The following VWA8 variants were observed in gnomAD, a reference collection of about 807,000 sequenced individuals.
VWA8 encodes von Willebrand factor A domain containing 8, also known as von Willebrand factor A domain-containing protein 8.
VWA8 carries 221 observed loss-of-function variants against 241.5 expected under a neutral mutation model. The observed-to-expected ratio is 0.91, with a 90% CI of 0.82 to 1.02. The LOEUF (loss-of-function observed/expected upper bound fraction) is 1.02. Ranked by LOEUF, VWA8 falls within the 50% of genes least tolerant of loss-of-function variation. VWA8 has a pLI of 0.00. For synonymous variants in VWA8, 852 were observed against 827.1 expected (o/e 1.03, Z -0.52); for missense variants, 2,322 against 2,328.7 (o/e 1.00, Z 0.06).
In VWA8 at chr13:41,819,213, C is replaced by T. The variant is rs769160312; in HGVS notation, c.1869+5G>A. On this transcript the variant is annotated splice_donor_5th_base_variant and intron_variant, in intron 15 of 44. Transcript: ENST00000379310. ...AAAATAGACTAAGATTGGCTTTCTT[C>T]TTACCTTTTCCTTAATCACTTGGAT... 2.5e-6 allele frequency: 4 copies of T among 1,599,498 alleles called. No individual in the cohort carries two copies. Among genetic ancestry groups the T allele is most frequent in the East Asian group, 4.5e-5 (2 of 44,658 alleles).
chr13:41,932,803 A>G (rs1593880282), intron 2 of VWA8, among the ~76,000 whole-genome samples: 1 of 151,770 alleles, frequency 6.6e-6, no homozygotes, highest in East Asian at 1.9e-4. Flanking sequence ...CAAACTATGA[A>G]TAGAAAAAAA....
intron 12 of VWA8, among the ~76,000 whole-genome samples, chr13:41,863,455 T>TATATATTCACACA (rs1566485517): frequency 6.9e-5 from 6 of 87,156 alleles, no homozygotes; most frequent in African/African-American, 2.1e-4. Context: ...ATATATATAT[T>TATATATTCACACA]CACACACACA....
At chr13:41,754,848 C>T (rs2137897225) in intron 21 of VWA8, among the ~76,000 whole-genome samples, 1 of 151,374 alleles carries the variant, frequency 6.6e-6, no homozygotes, top group Middle Eastern at 3.4e-3. Flanking sequence ...TAAGTGAAAA[C>T]ATGTCAAGTT....
rs928421510 is a variant in VWA8, at chr13:41,754,264, T to A, written c.2426+6864A>T. Among the ~76,000 whole-genome samples the A allele has an allele frequency of 3.3e-5, 5 of 152,132 alleles. No homozygotes were observed. The East Asian group carries it at 9.6e-4, about 29-fold the overall frequency. ...CTTTCCTGTGCTATTCTCGTGATAG[T>A]AAGTCTCAAGAGATCTGATGGTTTT... On this transcript the variant is annotated intron_variant, in intron 21 of 44. Coordinates refer to ENST00000379310, the MANE Select transcript of VWA8 (RefSeq NM_015058.2).
At chr13:41,637,868 G>T (rs1008928217) in intron 37 of VWA8, among the ~76,000 whole-genome samples, 3 of 152,106 alleles carry the variant, frequency 2.0e-5, no homozygotes, top group Non-Finnish European at 4.4e-5. Flanking sequence ...TAATTTAACT[G>T]CAACAATCCT....
chr13:41,758,402 A>G (rs865839871), intron 21 of VWA8, among the ~76,000 whole-genome samples: 3,560 of 70,218 alleles, frequency 0.051, 227 homozygotes, highest in Non-Finnish European at 0.062. Context: ...ACGCTAGTAT[A>G]TATATATATA....
intron 21 of VWA8, among the ~76,000 whole-genome samples, chr13:41,733,839 G>A (rs2045504381): frequency 6.6e-6 from 1 of 151,986 alleles, no homozygotes; most frequent in Non-Finnish European, 1.5e-5. Context: ...TGGCTCACTG[G>A]AGGAATTCTA....
At chr13:41,711,940 CA>C (rs2045321398) in intron 26 of VWA8, among the ~76,000 whole-genome samples, 1 of 138,612 alleles carries the variant, frequency 7.2e-6, no homozygotes, top group African/African-American at 3.0e-5. Flanking sequence ...TTAATGCAAA[CA>C]CTTTTTTTTT....
At chr13:41,615,228 T>C in intron 37 of VWA8, 144 bp from the exon 38 acceptor site, 1 of 738,654 alleles carries the variant, frequency 1.4e-6, no homozygotes, top group Non-Finnish European at 2.1e-6. Flanking sequence ...TGTGAGTATT[T>C]GGCAAAAATT....
At position 41,866,356 on chromosome 13, in the gene VWA8, A is replaced by AT. The variant is rs1236646698; in HGVS notation, c.1213-321_1213-320insA. 6.7e-3 allele frequency among the ~76,000 whole-genome samples: 1,006 copies of AT among 149,208 alleles called. 20 individuals carry two copies. The highest frequency in any genetic ancestry group is 0.023 in the African/African-American group (917 of 40,058). On this transcript the variant is annotated intron_variant, in intron 10 of 44. Transcript: ENST00000379310. Reference sequence around the variant, plus strand: ...AGAGCGAGACTCTGTCCCAAAAAAAAAAATATATATATATATATATGTGTG... The same window carrying AT: ...AGAGCGAGACTCTGTCCCAAAAAAAATAAATATATATATATATATATGTGTG...
At chr13:41,673,462 A>G (rs2045039623) in intron 36 of VWA8, among the ~76,000 whole-genome samples, 2 of 152,198 alleles carry the variant, frequency 1.3e-5, no homozygotes, top group Non-Finnish European at 2.9e-5. Flanking sequence ...GGACATACTG[A>G]CAATGAAACA....
intron 12 of VWA8, chr13:41,864,683 CTG>C: frequency 2.5e-6 from 1 of 407,584 alleles, no homozygotes; most frequent in South Asian, 1.9e-5. Context: ...GAAAGAAAAA[CTG>C]AGAGCTACTG....
intron 21 of VWA8, among the ~76,000 whole-genome samples, chr13:41,737,897 AAAG>A (rs2045538194): frequency 2.0e-5 from 3 of 152,138 alleles, no homozygotes; most frequent in Non-Finnish European, 4.4e-5. Context: ...AAAAAAGAAA[AAAG>A]AAGACAAAAT....
intron 22 of VWA8, among the ~76,000 whole-genome samples, chr13:41,730,409 C>T (rs2045473113): frequency 6.6e-6 from 1 of 152,026 alleles, no homozygotes; most frequent in Non-Finnish European, 1.5e-5. Flanking sequence ...CTTGGAGCTA[C>T]ACTTCAGGAC....
At chr13:41,663,739 T>A (rs1414960442) in intron 37 of VWA8, among the ~76,000 whole-genome samples, 29 of 152,054 alleles carry the variant, frequency 1.9e-4, no homozygotes, top group Admixed American at 1.8e-3. Flanking sequence ...GTTTACCTTA[T>A]CATTACTATA....
chr13:41,958,275 T>C (rs1878437469), intron 1 of VWA8, among the ~76,000 whole-genome samples: 1 of 152,228 alleles, frequency 6.6e-6, no homozygotes, highest in Non-Finnish European at 1.5e-5. Context: ...GCTCCTTCTC[T>C]GTATGAACTT....
intron 26 of VWA8, among the ~76,000 whole-genome samples, chr13:41,709,189 G>C (rs2045301346): frequency 6.6e-6 from 1 of 152,142 alleles, no homozygotes; most frequent in Non-Finnish European, 1.5e-5. Flanking sequence ...AATAAGGTTG[G>C]TAGTTTTACA....
chr13:41,770,995 C>T (rs925334140), intron 20 of VWA8, among the ~76,000 whole-genome samples: 6 of 150,904 alleles, frequency 4.0e-5, no homozygotes, highest in Non-Finnish European at 7.4e-5. Flanking sequence ...TTAATTATGC[C>T]TCATTAAATA....
In VWA8 at chr13:41,587,563, C is replaced by A. The variant is rs761972082; in HGVS notation, c.5220G>T (p.Glu1740Asp). The change falls in exon 42 of 45, where the codon GAG becomes GAT. Residue 1740 changes from glutamate to aspartate, a missense_variant. Coordinates refer to ENST00000379310, the MANE Select transcript of VWA8 (RefSeq NM_015058.2). Reference sequence around the variant, plus strand: ...AGGCTTCCATGACCATACACACAGCCTCCATTGTGCGCTCAAGCCGGCCAT... The same window carrying A: ...AGGCTTCCATGACCATACACACAGCATCCATTGTGCGCTCAAGCCGGCCAT... ...RMDGRLERTM[E>D]AVCMVMEAFE... The A allele has an allele frequency of 1.9e-6, 3 of 1,614,072 alleles. No homozygotes were observed. The highest frequency in any genetic ancestry group is 2.5e-6 in the Non-Finnish European group (3 of 1,180,050).
Sources: allele counts gnomAD v4.1 joint callset (sites outside exome capture counted in the v4.1 genomes callset), GRCh38; gene constraint gnomAD v4.1.1; transcripts MANE v1.5; gene names NCBI Gene and HGNC (gene_info 2026-07-23, HGNC 2026-07-21).